The following ADCY9 variants were observed in gnomAD, a reference collection of about 807,000 sequenced individuals.
The protein encoded by ADCY9 is adenylate cyclase type 9.
ADCY9 carries 50 observed loss-of-function variants against 101.5 expected under a neutral mutation model. The observed-to-expected ratio is 0.49, with a 90% confidence interval of 0.39 to 0.62. The LOEUF is 0.62. Ranked by LOEUF, ADCY9 falls within the 20% of genes least tolerant of loss-of-function variation. The pLI is 0.00. For synonymous variants in ADCY9, 905 were observed against 769.3 expected, an observed-to-expected ratio of 1.18 and a Z score of -2.92; for missense variants, 1,662 against 1,800.4, an observed-to-expected ratio of 0.92 and a Z score of 1.39.
chr16:4,022,435 G>A (rs1433570646), intron 2 of ADCY9, among the ~76,000 whole-genome samples: 3 of 140,724 alleles, frequency 2.1e-5, no homozygotes, highest in African/African-American at 8.0e-5. Flanking sequence ...AGCTTGCAGT[G>A]AGCCGAGATT....
chr16:4,078,279 A>G (rs1244020773), intron 2 of ADCY9, among the ~76,000 whole-genome samples: 1 of 152,230 alleles, frequency 6.6e-6, no homozygotes, highest in East Asian at 1.9e-4. Context: ...TGGTATATCC[A>G]GTCCAGGCAC....
chr16:3,958,673 C>CTTTTTTTTTTTT (rs1207846349), downstream of ADCY9, among the ~76,000 whole-genome samples: 25 of 103,024 alleles, frequency 2.4e-4, 1 homozygote, highest in East Asian at 9.6e-4. Flanking sequence ...TCGTCGGTTA[C>CTTTTTTTTTTTT]TTTTTTTTTT....
At position 4,113,110 on chromosome 16, in the gene ADCY9, A is replaced by G. The variant is rs150920873; in HGVS notation, c.1693+640T>C. 1.6e-4 allele frequency among the ~76,000 whole-genome samples: 24 copies of G among 152,156 alleles called. No individual in the cohort carries two copies. In the East Asian group the frequency reaches 4.6e-3, roughly 29 times the overall value. ...ATGAAGCTCTTCACTTAAGGCAAATACTATGATAATAAAATATCCTTAAAC... is the reference window on the plus strand; with the variant it reads ...ATGAAGCTCTTCACTTAAGGCAAATGCTATGATAATAAAATATCCTTAAAC... On this transcript the variant is annotated intron_variant, in intron 2 of 10. Coordinates refer to ENST00000294016, the MANE Select transcript of ADCY9 (RefSeq NM_001116.4).
At chr16:4,069,365 C>A (rs887684702) in intron 2 of ADCY9, among the ~76,000 whole-genome samples, 1 of 151,348 alleles carries the variant, frequency 6.6e-6, no homozygotes, top group Non-Finnish European at 1.5e-5. Context: ...AATTTAATAT[C>A]CCGGTTCCTT....
In ADCY9 at chr16:4,115,459, G is replaced by A. The variant is rs1004080779; in HGVS notation, c.-17C>T. The A allele has an allele frequency of 4.0e-6, 6 of 1,513,044 alleles. No homozygotes were observed. Among genetic ancestry groups the A allele is most frequent in the East Asian group, 2.5e-5 (1 of 40,798 alleles). 93.7% of individuals were successfully genotyped at this position (1,513,044 alleles called of 1,614,324 possible). A position where few individuals can be genotyped will look rare whatever the true frequency, so the allele number is the denominator to read the frequency against. On this transcript the variant is annotated 5_prime_UTR_variant, in exon 2 of 11. Coordinates refer to ENST00000294016, the MANE Select transcript of ADCY9 (RefSeq NM_001116.4). The surrounding 1 kb of genome is among the most constrained non-coding windows in gnomAD (Gnocchi z 6.2). ...GGAAGCCATGTTGTCGAGTCCCGGG[G>A]CCTGCCCCGGCCGGGGTCACCAGTA...
chr16:4,114,870 C>T lies in ADCY9; in HGVS notation c.573G>A (p.Gln191=), dbSNP rs1474088189. 4 of 1,613,744 alleles carry T rather than the reference C, an allele frequency of 2.5e-6. No homozygotes were observed. Among genetic ancestry groups the T allele is most frequent in the Non-Finnish European group, 2.5e-6 (3 of 1,180,050 alleles). The change falls in exon 2 of 11, where the codon CAG becomes CAA. Residue 191 remains glutamine (Q), a synonymous_variant. Transcript: ENST00000294016. The surrounding 1 kb of genome is among the most constrained non-coding windows in gnomAD (Gnocchi z 4.3). Reference sequence around the variant, plus strand: ...CTGAGACAGGCGTCAAGACCTGGAACTGCGCAGCCAGGGTCAGGGCGAACA... The same window carrying T: ...CTGAGACAGGCGTCAAGACCTGGAATTGCGCAGCCAGGGTCAGGGCGAACA... ...LLVFALTLAA[Q]FQVLTPVSGR...
At chr16:4,064,542 A>ATTTG (rs1378288715) in intron 2 of ADCY9, among the ~76,000 whole-genome samples, 2 of 152,152 alleles carry the variant, frequency 1.3e-5, no homozygotes, top group Non-Finnish European at 2.9e-5. Flanking sequence ...GCACAATCAG[A>ATTTG]GCTCACTGCA....
chr16:4,000,968 T>TAC (rs141254290), intron 3 of ADCY9, among the ~76,000 whole-genome samples: 15,829 of 125,178 alleles, frequency 0.13, 1,700 homozygotes, highest in African/African-American at 0.3. Context: ...TCCCTCTCTC[T>TAC]ACACACACAC....
chr16:3,955,965 C>T (rs995907800), intron 5 of ADCY9, among the ~76,000 whole-genome samples: 9 of 152,118 alleles, frequency 5.9e-5, no homozygotes, highest in Admixed American at 2.6e-4. Flanking sequence ...TGCGCTCAAG[C>T]GATCCTCCCA....
intron 2 of ADCY9, among the ~76,000 whole-genome samples, chr16:4,057,050 CCCG>C (rs1567132118): frequency 1.6e-4 from 21 of 134,986 alleles, no homozygotes; most frequent in African/African-American, 2.4e-4. Flanking sequence ...CCCCCCCCCC[CCCG>C]CCAATCTTAC....
intron 2 of ADCY9, among the ~76,000 whole-genome samples, chr16:4,023,924 C>A (rs2056495793): frequency 1.3e-5 from 2 of 152,086 alleles, no homozygotes; most frequent in African/African-American, 4.8e-5. Context: ...CGACAAGAGG[C>A]ATCTGACTTA....
intron 10 of ADCY9, among the ~76,000 whole-genome samples, chr16:3,971,004 G>C (rs1022979633): frequency 6.6e-6 from 1 of 152,132 alleles, no homozygotes; most frequent in Non-Finnish European, 1.5e-5. Context: ...ATTTGGGGAG[G>C]GTTCCTGCCA....
intron 2 of ADCY9, among the ~76,000 whole-genome samples, chr16:4,013,468 A>AG (rs2056417422): frequency 6.6e-6 from 1 of 152,156 alleles, no homozygotes. Context: ...GAAAAACAAG[A>AG]AAGAGAAGAA....
chr16:4,032,037 C>T (rs987971377), intron 2 of ADCY9: 2 of 151,152 alleles, frequency 1.3e-5, no homozygotes, highest in African/African-American at 4.9e-5. Flanking sequence ...GCTCACACCT[C>T]CCCAGCACTT....
At chr16:4,043,890 C>T (rs887086437) in intron 2 of ADCY9, among the ~76,000 whole-genome samples, 1 of 152,084 alleles carries the variant, frequency 6.6e-6, no homozygotes, top group Admixed American at 6.6e-5. Flanking sequence ...TCACTAGGAA[C>T]TCTGCAACCT....
chr16:4,073,117 AAG>A (rs940396801), intron 2 of ADCY9, among the ~76,000 whole-genome samples: 1 of 151,974 alleles, frequency 6.6e-6, no homozygotes, highest in Non-Finnish European at 1.5e-5. Flanking sequence ...TTTTTTCAGA[AAG>A]AGTCTCACTC....
chr16:4,051,810 G>C (rs890414031), intron 2 of ADCY9, among the ~76,000 whole-genome samples: 1 of 152,134 alleles, frequency 6.6e-6, no homozygotes, highest in Non-Finnish European at 1.5e-5. Flanking sequence ...ATCACCATTT[G>C]GCAATGCTCA....
intron 2 of ADCY9, among the ~76,000 whole-genome samples, chr16:4,100,743 CAA>C (rs35359235): frequency 1.0e-4 from 12 of 115,086 alleles, no homozygotes; most frequent in Admixed American, 1.9e-4. Flanking sequence ...ACTCTTGTCT[CAA>C]AAAAAAAAAA....
At chr16:4,074,464 G>A (rs953534679) in intron 2 of ADCY9, among the ~76,000 whole-genome samples, 1 of 151,708 alleles carries the variant, frequency 6.6e-6, no homozygotes, top group Non-Finnish European at 1.5e-5. Context: ...GGAGGTAGAG[G>A]TGGGAGGAGC....
Sources: allele counts gnomAD v4.1 joint callset (sites outside exome capture counted in the v4.1 genomes callset), GRCh38; gene constraint gnomAD v4.1.1; non-coding constraint Gnocchi (gnomAD v3.1); transcripts MANE v1.5; gene names NCBI Gene and HGNC (gene_info 2026-07-23, HGNC 2026-07-21).